The following TBC1D14 variants were observed in gnomAD, a reference collection of about 807,000 sequenced individuals.
TBC1D14 encodes TBC1 domain family, member 14.
TBC1D14 carries 26 observed loss-of-function variants against 79.0 expected under a neutral mutation model. That is an observed-to-expected ratio of 0.33 (90% CI 0.24 to 0.46). The LOEUF (loss-of-function observed/expected upper bound fraction) is 0.46. TBC1D14 is among the 20% of genes least tolerant of loss of function. The probability of loss-of-function intolerance (pLI) is 1.00; values close to 1 mark genes in which losing one functional copy is unlikely to be tolerated. For missense variants in TBC1D14, 769 were observed against 887.6 expected (o/e 0.87, Z 1.70); for synonymous variants, 394 against 349.9 (o/e 1.13, Z -1.40).
intron 11 of TBC1D14, among the ~76,000 whole-genome samples, chr4:7,013,673 C>T (rs549514604): frequency 1.2e-4 from 19 of 152,200 alleles, no homozygotes; most frequent in East Asian, 3.9e-4. Context: ...CTGCCGTTGA[C>T]TCAGACATGA....
rs1713113957 is a variant in TBC1D14 at position 6,943,488 on chromosome 4, C to T, written c.722+19377C>T. ...CTACGGGGCGTGCAGGATCTGGCTG[C>T]TGCCTGCATCTCTGGCCACCAGTGG... On this transcript the variant is annotated intron_variant, in intron 2 of 13. Transcript: ENST00000409757. Among the ~76,000 whole-genome samples, 3 of 152,216 alleles carry T rather than the reference C, an allele frequency of 2.0e-5. No individual in the cohort carries two copies. In the South Asian group the frequency reaches 6.2e-4, roughly 31 times the overall value.
At chr4:7,025,328 C>T in intron 13 of TBC1D14, 66 bp downstream of exon 13, 1 of 1,593,966 alleles carries the variant, frequency 6.3e-7, no homozygotes, top group Non-Finnish European at 8.5e-7. Context: ...TCAGGAAGGC[C>T]CCTACGTAAA....
At chr4:6,955,953 CAAT>C (rs1456669859) in intron 2 of TBC1D14, among the ~76,000 whole-genome samples, 3 of 152,064 alleles carry the variant, frequency 2.0e-5, no homozygotes, top group East Asian at 3.9e-4. Flanking sequence ...TGGTTAAGTG[CAAT>C]AATAATTCTC....
chr4:6,923,494 C>T lies in TBC1D14; in HGVS notation c.105C>T (p.Leu35=). 2 of 1,614,206 alleles carry T rather than the reference C, an allele frequency of 1.2e-6. No individual in the cohort carries two copies. Among genetic ancestry groups the T allele is most frequent in the South Asian group, 2.2e-5 (2 of 91,090 alleles). ...NPLQNLQHVN[L]KAPRLLSAPE... ...TTCAGAACCTGCAACACGTCAATCT[C>T]AAGGCGCCCCGACTCCTCTCCGCGC... The change falls in exon 2 of 14, where the codon CTC becomes CTT. Residue 35 remains leucine, a synonymous_variant. Coordinates refer to ENST00000409757, the MANE Select transcript of TBC1D14 (RefSeq NM_020773.3).
chr4:6,945,966 G>A (rs1263995027), intron 2 of TBC1D14, among the ~76,000 whole-genome samples: 2 of 152,080 alleles, frequency 1.3e-5, no homozygotes, highest in African/African-American at 4.8e-5. Flanking sequence ...TGCGCCTCAG[G>A]ATGCTTGAAA....
chr4:7,001,354 G>T (rs1474033865), intron 7 of TBC1D14, 103 bp downstream of exon 7: 4 of 996,762 alleles, frequency 4.0e-6, no homozygotes, highest in African/African-American at 1.6e-5. Flanking sequence ...CCACGAATCT[G>T]TGTCTTTTGA....
intron 2 of TBC1D14, among the ~76,000 whole-genome samples, chr4:6,927,308 G>T (rs1346749118): frequency 6.6e-6 from 1 of 152,060 alleles, no homozygotes; most frequent in African/African-American, 2.4e-5. Flanking sequence ...GGAGGGGGTG[G>T]CACCGCAGCC....
chr4:7,007,487 C>A, intron 9 of TBC1D14: 2 of 1,252,852 alleles, frequency 1.6e-6, no homozygotes, highest in East Asian at 5.7e-5. Context: ...AATACCTTTG[C>A]ACCTGTCCCT....
At chr4:6,952,019 G>A (rs1213822820) in intron 2 of TBC1D14, among the ~76,000 whole-genome samples, 1 of 152,168 alleles carries the variant, frequency 6.6e-6, no homozygotes, top group African/African-American at 2.4e-5. Flanking sequence ...TGTTGTCGTG[G>A]TTATGCCCCT....
At chr4:6,911,026 G>T (rs1376560714) in intron 1 of TBC1D14, among the ~76,000 whole-genome samples, 1 of 152,122 alleles carries the variant, frequency 6.6e-6, no homozygotes, top group Non-Finnish European at 1.5e-5. Flanking sequence ...CTTTTATAGC[G>T]GTGGGTTGCC....
At chr4:6,925,222 G>T (rs189869150) in intron 2 of TBC1D14, among the ~76,000 whole-genome samples, 1 of 152,164 alleles carries the variant, frequency 6.6e-6, no homozygotes, top group South Asian at 2.1e-4. Context: ...AGCCGAGATC[G>T]CGCCACCGCA....
intron 6 of TBC1D14, among the ~76,000 whole-genome samples, chr4:7,000,485 CT>C (rs1719552313): frequency 1.3e-5 from 2 of 152,254 alleles, no homozygotes; most frequent in Non-Finnish European, 1.5e-5. Flanking sequence ...ATGCAGCCTG[CT>C]TTCTGCAGCC....
intron 10 of TBC1D14, 52 bp from the exon 11 acceptor site, chr4:7,010,601 C>T (rs923429423): frequency 1.5e-5 from 24 of 1,589,678 alleles, no homozygotes; most frequent in Middle Eastern, 3.4e-4. Context: ...GAACACACTA[C>T]GGTGACCCTG....
At chr4:6,956,903 G>A (rs1468277796) in intron 2 of TBC1D14, among the ~76,000 whole-genome samples, 12 of 152,252 alleles carry the variant, frequency 7.9e-5, no homozygotes, top group Admixed American at 5.2e-4. Context: ...AGGTGGCCCC[G>A]GGAGTGGGAT....
intron 4 of TBC1D14, 148 bp downstream of exon 4, chr4:6,994,450 T>G: frequency 4.3e-6 from 3 of 694,088 alleles, no homozygotes; most frequent in Non-Finnish European, 7.4e-6. Context: ...TAACATGTGT[T>G]CTGTAATTAT....
intron 2 of TBC1D14, among the ~76,000 whole-genome samples, chr4:6,928,562 G>T (rs1176613688): frequency 6.6e-6 from 1 of 152,198 alleles, no homozygotes; most frequent in East Asian, 1.9e-4. Context: ...GCCGGGTGCG[G>T]TGGCTCATGC....
At chr4:6,949,189 G>A (rs1194546973) in intron 2 of TBC1D14, among the ~76,000 whole-genome samples, 1 of 151,906 alleles carries the variant, frequency 6.6e-6, no homozygotes, top group Non-Finnish European at 1.5e-5. Context: ...AAAAGGCTGG[G>A]CGCAGCGGCT....
chr4:6,961,402 C>T (rs1336034881), intron 2 of TBC1D14, among the ~76,000 whole-genome samples: 2 of 151,360 alleles, frequency 1.3e-5, no homozygotes, highest in Non-Finnish European at 2.9e-5. Flanking sequence ...CCAAATCTCT[C>T]TGTGCCATGG....
intron 2 of TBC1D14, among the ~76,000 whole-genome samples, chr4:6,963,929 C>T (rs1045120136): frequency 1.3e-5 from 2 of 152,030 alleles, no homozygotes; most frequent in Non-Finnish European, 2.9e-5. Flanking sequence ...TCCTGAGTAG[C>T]TGGGATTACA....
Sources: gnomAD v4.1 joint callset for allele counts (sites outside exome capture counted in the v4.1 genomes callset) on GRCh38, gnomAD v4.1.1 for gene constraint, MANE v1.5 for transcripts, NCBI Gene and HGNC (gene_info 2026-07-23, HGNC 2026-07-21) for gene names.